The following LRRTM4 variants were observed in gnomAD, a reference collection of about 807,000 sequenced individuals.
The protein encoded by LRRTM4 is leucine rich repeat transmembrane neuronal 4.
LRRTM4 carries 25 observed loss-of-function variants against 47.6 expected under a neutral mutation model. The ratio of observed to expected loss-of-function variants is 0.53; its 90% CI spans 0.38 to 0.73. LRRTM4 has a LOEUF of 0.73. Among genes scored for constraint, LRRTM4 ranks in the 30% least tolerant of loss-of-function variants. The pLI, the probability that LRRTM4 is intolerant of heterozygous loss-of-function variation, is 0.00. For synonymous variants in LRRTM4, 311 were observed against 269.5 expected, an observed-to-expected ratio of 1.15 and a Z score of -1.51; for missense variants, 638 against 713.4, an observed-to-expected ratio of 0.89 and a Z score of 1.20.
At chr2:76,777,102 T>G (rs952411412) in intron 3 of LRRTM4, among the ~76,000 whole-genome samples, 2 of 147,908 alleles carry the variant, frequency 1.4e-5, no homozygotes, top group African/African-American at 2.5e-5. Context: ...GGCTCTGTTC[T>G]GTTCCATTGA....
chr2:77,098,787 A>G (rs950482094), intron 3 of LRRTM4, among the ~76,000 whole-genome samples: 3 of 152,036 alleles, frequency 2.0e-5, no homozygotes, highest in African/African-American at 4.8e-5. Context: ...CTACAAATCA[A>G]TAAGATAAAG....
At chr2:77,017,066 A>G (rs116766675) in intron 3 of LRRTM4, among the ~76,000 whole-genome samples, 1,887 of 152,304 alleles carry the variant, frequency 0.012, 38 homozygotes, top group African/African-American at 0.043. Flanking sequence ...CTGAGGGAAA[A>G]GAAGCAACAC....
At chr2:77,499,271 A>G (rs937174994) in intron 3 of LRRTM4, among the ~76,000 whole-genome samples, 2 of 151,832 alleles carry the variant, frequency 1.3e-5, no homozygotes, top group African/African-American at 4.8e-5. Flanking sequence ...TCAATAGTTT[A>G]AAACCTTTAA....
chr2:77,056,041 G>T lies in LRRTM4; in HGVS notation c.1552-307125C>A, dbSNP rs865917083. The stretch of plus-strand genomic sequence containing the variant: ...AACATCACACTCTGGGGACTGTTGT[G>T]GGGTGGGGGGAGGGGGGAGGGATAG... On this transcript the variant is annotated intron_variant, in intron 3 of 3. Transcript: ENST00000409884. Among the ~76,000 whole-genome samples, 407 of 122,618 alleles carry T rather than the reference G, an allele frequency of 3.3e-3. 3 individuals are homozygous for T. The highest frequency in any genetic ancestry group is 0.012 in the African/African-American group (383 of 32,078). The allele number at this position is 122,618 out of a possible 152,430, so 80.4% of individuals were successfully genotyped here.
chr2:77,212,466 TATATATATAG>T (rs1166673472), intron 3 of LRRTM4, among the ~76,000 whole-genome samples: 2 of 146,662 alleles, frequency 1.4e-5, no homozygotes, highest in Non-Finnish European at 3.0e-5. Flanking sequence ...ATTATATATA[TATATATATAG>T]AGAGAGAGAG....
At chr2:76,804,676 T>C (rs928453259) in intron 3 of LRRTM4, among the ~76,000 whole-genome samples, 1 of 147,904 alleles carries the variant, frequency 6.8e-6, no homozygotes, top group East Asian at 1.9e-4. Context: ...ATAAAAAATA[T>C]ATATTTATAC....
At chr2:77,086,409 A>AGTGTGTGT (rs111490311) in intron 3 of LRRTM4, among the ~76,000 whole-genome samples, 37 of 150,712 alleles carry the variant, frequency 2.5e-4, no homozygotes, top group East Asian at 9.9e-4. Flanking sequence ...AAACATTTTT[A>AGTGTGTGT]GTGTGTGTAT....
chr2:77,449,284 A>T (rs1260601322), intron 3 of LRRTM4, among the ~76,000 whole-genome samples: 6 of 152,206 alleles, frequency 3.9e-5, no homozygotes, highest in Non-Finnish European at 8.8e-5. Flanking sequence ...CATAAGCTTT[A>T]GAATGAGAGG....
At chr2:76,759,327 A>G (rs529516749) in intron 3 of LRRTM4, among the ~76,000 whole-genome samples, 1 of 152,184 alleles carries the variant, frequency 6.6e-6, no homozygotes, top group African/African-American at 2.4e-5. Context: ...TAAAGCTCTC[A>G]GTGCATCCCA....
In LRRTM4 at chr2:77,407,082, G is replaced by A. The variant is rs140201749; in HGVS notation, c.1551+111236C>T. Among the ~76,000 whole-genome samples, 1,142 of 152,102 alleles carry A rather than the reference G, an allele frequency of 7.5e-3. 12 individuals are homozygous for A. The highest frequency in any genetic ancestry group is 0.013 in the Non-Finnish European group (872 of 67,982). ...ATTTATTCCTTACGACGAGATTATC[G>A]AACTCACTTATAATTAGAAGTAAAT... On this transcript the variant is annotated intron_variant, in intron 3 of 3. Transcript: ENST00000409884.
chr2:76,929,081 T>C (rs945501077), intron 3 of LRRTM4, among the ~76,000 whole-genome samples: 5 of 152,156 alleles, frequency 3.3e-5, no homozygotes, highest in South Asian at 2.1e-4. Flanking sequence ...AACATTACTA[T>C]GATAATGTTG....
At chr2:76,789,526 G>T (rs959137953) in intron 3 of LRRTM4, among the ~76,000 whole-genome samples, 2 of 152,196 alleles carry the variant, frequency 1.3e-5, no homozygotes, top group Admixed American at 6.5e-5. Context: ...CATAATGAGG[G>T]TTTGTTTCTG....
At chr2:77,029,056 T>A (rs1242802917) in intron 3 of LRRTM4, among the ~76,000 whole-genome samples, 2,295 of 126,220 alleles carry the variant, frequency 0.018, 62 homozygotes, top group African/African-American at 0.056. Context: ...CACACAAATA[T>A]ATATATATAT....
intron 3 of LRRTM4, among the ~76,000 whole-genome samples, chr2:76,847,782 A>C (rs1308484611): frequency 1.3e-5 from 2 of 152,098 alleles, no homozygotes; most frequent in Non-Finnish European, 2.9e-5. Flanking sequence ...ACCATTTGTA[A>C]AGTTTCAAAT....
chr2:76,948,526 G>A (rs761101038), intron 3 of LRRTM4, among the ~76,000 whole-genome samples: 2 of 151,680 alleles, frequency 1.3e-5, no homozygotes, highest in Non-Finnish European at 3.0e-5. Context: ...ATTGGTAAGA[G>A]TAATTTCATT....
Position 77,272,218 on chromosome 2 carries a change from C to A in LRRTM4, c.1551+246100G>T, listed in dbSNP as rs556021897. ...ATAATTTTGGGGTTTTATTGATAAA[C>A]CTTGCCATTTGTGACTTTTATTGAG... is the stretch of plus-strand genomic sequence containing the variant. On this transcript the variant is annotated intron_variant, in intron 3 of 3. Coordinates refer to ENST00000409884, the MANE Select transcript of LRRTM4 (RefSeq NM_001134745.3). 2.6e-5 allele frequency among the ~76,000 whole-genome samples: 4 copies of A among 152,222 alleles called. No individual in the cohort carries two copies. In the South Asian group the frequency reaches 8.3e-4, roughly 32 times the overall value.
intron 3 of LRRTM4, among the ~76,000 whole-genome samples, chr2:77,021,853 ACATT>A (rs1419214240): frequency 1.3e-5 from 2 of 152,210 alleles, no homozygotes; most frequent in African/African-American, 2.4e-5. Context: ...ATATACACAT[ACATT>A]GTTTAATGAT....
At chr2:77,231,279 G>A (rs147240385) in intron 3 of LRRTM4, among the ~76,000 whole-genome samples, 10 of 151,528 alleles carry the variant, frequency 6.6e-5, no homozygotes, top group African/African-American at 2.4e-4. Flanking sequence ...GACCAGATAG[G>A]CAATGTTTGG....
chr2:77,252,679 G>T (rs995778231), intron 3 of LRRTM4, among the ~76,000 whole-genome samples: 1 of 152,120 alleles, frequency 6.6e-6, no homozygotes, highest in Non-Finnish European at 1.5e-5. Flanking sequence ...AAGGAGAAAA[G>T]CATCACTGTC....
Sources: gnomAD v4.1 joint callset for allele counts (sites outside exome capture counted in the v4.1 genomes callset) on GRCh38, gnomAD v4.1.1 for gene constraint, MANE v1.5 for transcripts, NCBI Gene and HGNC (gene_info 2026-07-23, HGNC 2026-07-21) for gene names.